Variants in RIT2 observed in about 807,000 individuals in gnomAD.
RIT2 encodes GTP-binding protein Rit2.
Under a neutral mutation model 23.7 loss-of-function variants are expected in RIT2, and 24 were observed. That is an observed-to-expected ratio of 1.01 (90% CI 0.73 to 1.43). The LOEUF (loss-of-function observed/expected upper bound fraction) is 1.43, where lower values mean the gene tolerates loss of function less well. Among genes scored for constraint, RIT2 ranks in the 40% most tolerant of loss-of-function variants. The probability of loss-of-function intolerance (pLI) is 0.00; values close to 1 mark genes in which losing one functional copy is unlikely to be tolerated. For synonymous variants in RIT2, 107 were observed against 91.1 expected, an observed-to-expected ratio of 1.17 and a Z score of -0.99; for missense variants, 236 against 266.9, an observed-to-expected ratio of 0.88 and a Z score of 0.81.
intron 2 of RIT2, among the ~76,000 whole-genome samples, chr18:42,982,454 A>G (rs1309530333): frequency 6.6e-6 from 1 of 152,158 alleles, no homozygotes; most frequent in African/African-American, 2.4e-5. Flanking sequence ...GCTTCTACAT[A>G]TTCCTTAATC....
intron 1 of RIT2, among the ~76,000 whole-genome samples, chr18:43,094,821 T>C (rs1346338325): frequency 2.6e-5 from 4 of 152,122 alleles, no homozygotes; most frequent in Non-Finnish European, 4.4e-5. Context: ...TTTGGTTTTC[T>C]GTCCTTGTGA....
At chr18:42,880,247 C>G (rs1033851765) in intron 4 of RIT2, among the ~76,000 whole-genome samples, 11 of 152,158 alleles carry the variant, frequency 7.2e-5, no homozygotes, top group African/African-American at 1.9e-4. Context: ...GACTCCATCT[C>G]TGGAAATACC....
At chr18:42,908,964 C>T (rs1908695514) in intron 4 of RIT2, among the ~76,000 whole-genome samples, 1 of 152,004 alleles carries the variant, frequency 6.6e-6, no homozygotes, top group Non-Finnish European at 1.5e-5. Context: ...TCCAGGAATC[C>T]CACTATTGAG....
intron 4 of RIT2, among the ~76,000 whole-genome samples, chr18:42,747,152 C>A (rs1386744474): frequency 2.0e-5 from 3 of 151,736 alleles, no homozygotes; most frequent in African/African-American, 7.3e-5. Flanking sequence ...CCTAGAAAAC[C>A]CTAAAGACTC....
intron 3 of RIT2, among the ~76,000 whole-genome samples, chr18:42,955,421 A>C (rs1909948670): frequency 6.6e-6 from 1 of 152,170 alleles, no homozygotes. Flanking sequence ...TTGATTATGA[A>C]CTGGCCTCGC....
intron 4 of RIT2, among the ~76,000 whole-genome samples, chr18:42,864,031 G>T (rs1049746057): frequency 8.3e-5 from 12 of 144,820 alleles, no homozygotes; most frequent in Non-Finnish European, 1.8e-4. Flanking sequence ...TGACAAGATT[G>T]TATAAGAAAA....
chr18:43,030,226 G>T (rs975388535), intron 2 of RIT2, among the ~76,000 whole-genome samples: 2 of 152,094 alleles, frequency 1.3e-5, no homozygotes, highest in African/African-American at 2.4e-5. Flanking sequence ...TAAAAGAAAG[G>T]CTTATTTTTG....
At chr18:42,847,995 C>T (rs1428808029) in intron 4 of RIT2, among the ~76,000 whole-genome samples, 1 of 150,794 alleles carries the variant, frequency 6.6e-6, no homozygotes, top group Non-Finnish European at 1.5e-5. Context: ...CCTCCTAGAT[C>T]CCCCTATAAT....
intron 3 of RIT2, among the ~76,000 whole-genome samples, chr18:42,956,070 A>G (rs1909963935): frequency 6.6e-6 from 1 of 152,184 alleles, no homozygotes; most frequent in African/African-American, 2.4e-5. Context: ...GATGGAGACG[A>G]CTACAAAAGG....
chr18:43,048,113 A>T (rs1413191836), intron 1 of RIT2, among the ~76,000 whole-genome samples: 1 of 152,166 alleles, frequency 6.6e-6, no homozygotes, highest in Non-Finnish European at 1.5e-5. Flanking sequence ...GACCTGAACA[A>T]TTCCATGGAG....
intron 1 of RIT2, among the ~76,000 whole-genome samples, chr18:43,109,352 C>G (rs1913900556): frequency 6.6e-6 from 1 of 152,164 alleles, no homozygotes. Flanking sequence ...AACTTTTTCA[C>G]AGTTAACTGA....
At chr18:43,042,519 C>T (rs1159081647) in intron 1 of RIT2, among the ~76,000 whole-genome samples, 1 of 152,184 alleles carries the variant, frequency 6.6e-6, no homozygotes, top group Non-Finnish European at 1.5e-5. Context: ...ACCTGCATGG[C>T]TTGCTCTATA....
chr18:42,860,788 T>C (rs1371278354), intron 4 of RIT2, among the ~76,000 whole-genome samples: 1 of 152,192 alleles, frequency 6.6e-6, no homozygotes, highest in Middle Eastern at 3.2e-3. Context: ...AGAAAGCAGA[T>C]GATCCAAAGA....
chr18:42,797,551 C>G (rs1905404284), intron 4 of RIT2, among the ~76,000 whole-genome samples: 1 of 152,040 alleles, frequency 6.6e-6, no homozygotes, highest in Admixed American at 6.6e-5. Flanking sequence ...GGGCATGTTA[C>G]TATTGTTTGT....
chr18:42,764,096 A>G (rs1299889004), intron 4 of RIT2, among the ~76,000 whole-genome samples: 1 of 152,230 alleles, frequency 6.6e-6, no homozygotes, highest in Non-Finnish European at 1.5e-5. Flanking sequence ...GTTCTGATCA[A>G]ATAAATAATG....
At chr18:42,761,966 C>A (rs575124588) in intron 4 of RIT2, among the ~76,000 whole-genome samples, 1 of 152,292 alleles carries the variant, frequency 6.6e-6, no homozygotes, top group East Asian at 1.9e-4. Context: ...ATGGAGGAGG[C>A]AGGGATTAGA....
At chr18:42,850,574 T>C (rs981193789) in intron 4 of RIT2, among the ~76,000 whole-genome samples, 2 of 152,180 alleles carry the variant, frequency 1.3e-5, no homozygotes, top group African/African-American at 4.8e-5. Context: ...TGAGAATGAA[T>C]GAAAAACACT....
chr18:43,101,534 A>G (rs1257299172), intron 1 of RIT2, among the ~76,000 whole-genome samples: 1 of 152,234 alleles, frequency 6.6e-6, no homozygotes. Flanking sequence ...GTCGTGCAAC[A>G]TTAAGAGATC....
At chr18:43,106,368 C>A (rs1043809514) in intron 1 of RIT2, among the ~76,000 whole-genome samples, 4 of 152,194 alleles carry the variant, frequency 2.6e-5, no homozygotes, top group African/African-American at 7.2e-5. Context: ...ACTTCTGATT[C>A]ATTCAATAAG....
Sources: allele counts gnomAD v4.1 joint callset (sites outside exome capture counted in the v4.1 genomes callset), GRCh38; gene constraint gnomAD v4.1.1; transcripts MANE v1.5; gene names NCBI Gene and HGNC (gene_info 2026-07-23, HGNC 2026-07-21).